The following GRIA1 variants were observed in gnomAD, a reference collection of about 807,000 sequenced individuals.
GRIA1 encodes glutamate receptor 1.
Under a neutral mutation model 99.2 loss-of-function variants are expected in GRIA1, and 31 were observed. The observed-to-expected ratio is 0.31, with a 90% confidence interval of 0.23 to 0.42. The LOEUF is 0.42. GRIA1 is among the 10% of genes least tolerant of loss of function. The pLI is 1.00. For synonymous variants in GRIA1, 438 were observed against 432.4 expected, an observed-to-expected ratio of 1.01 and a Z score of -0.16; for missense variants, 782 against 1,157.5, an observed-to-expected ratio of 0.68 and a Z score of 4.71.
At chr5:153,731,675 G>A (rs1473267460) in intron 11 of GRIA1, among the ~76,000 whole-genome samples, 2 of 151,986 alleles carry the variant, frequency 1.3e-5, no homozygotes, top group Non-Finnish European at 2.9e-5. Context: ...TGTGTATGTT[G>A]TGAAATGATT....
At chr5:153,529,793 T>G (rs489572) in intron 2 of GRIA1, among the ~76,000 whole-genome samples, 1 of 151,832 alleles carries the variant, frequency 6.6e-6, no homozygotes, top group Non-Finnish European at 1.5e-5. Flanking sequence ...CCCCAACCTT[T>G]TGCTTTTCTT....
At chr5:153,773,724 C>T (rs1452680014) in intron 13 of GRIA1, among the ~76,000 whole-genome samples, 1 of 152,106 alleles carries the variant, frequency 6.6e-6, no homozygotes, top group Non-Finnish European at 1.5e-5. Context: ...CAACATGTTT[C>T]AAATACAGAT....
intron 13 of GRIA1, among the ~76,000 whole-genome samples, chr5:153,777,400 G>A (rs890038640): frequency 1.3e-5 from 2 of 152,098 alleles, no homozygotes; most frequent in Non-Finnish European, 1.5e-5. Flanking sequence ...TATAAGGCCC[G>A]TTACCTTGCC....
At chr5:153,529,294 A>C (rs1030634128) in intron 2 of GRIA1, among the ~76,000 whole-genome samples, 5 of 152,172 alleles carry the variant, frequency 3.3e-5, no homozygotes, top group Non-Finnish European at 1.5e-5. Flanking sequence ...TTAAGCTAAC[A>C]AATGATTATC....
Position 153,811,329 on chromosome 5 carries a change from C to A in GRIA1, c.*104C>A. ...CAACAAAATGAAACGCAACCACCAC[C>A]AACCACTGCGACCACAAGAAGGATG... On this transcript the variant is annotated 3_prime_UTR_variant, in exon 16 of 16. Transcript: ENST00000285900. The A allele has an allele frequency of 4.1e-6, 3 of 738,248 alleles. No homozygotes were observed. Among genetic ancestry groups the A allele is most frequent in the Non-Finnish European group, 4.7e-6 (2 of 421,190 alleles). The allele number at this position is 738,248 out of a possible 1,614,324, so 45.7% of individuals were successfully genotyped here.
In GRIA1 at chr5:153,518,111, A is replaced by T. The variant is rs1054022266; in HGVS notation, c.220+24046A>T. ...GTTCACTATTCAGGTCCCAATTCCC[A>T]CGTTACTTTCTCAGAGAGTGTTCCC... On this transcript the variant is annotated intron_variant, in intron 2 of 15. Transcript: ENST00000285900. Among the ~76,000 whole-genome samples the T allele has an allele frequency of 6.6e-5, 10 of 152,262 alleles. 1 individual carries two copies. In the South Asian group the frequency reaches 2.1e-3, roughly 32 times the overall value.
chr5:153,778,213 G>A (rs1040077002), intron 13 of GRIA1, among the ~76,000 whole-genome samples: 7 of 151,726 alleles, frequency 4.6e-5, no homozygotes, highest in Non-Finnish European at 8.8e-5. Flanking sequence ...GTGTGTGTGT[G>A]TGTGTGTGTG....
intron 2 of GRIA1, among the ~76,000 whole-genome samples, chr5:153,613,736 G>A (rs1212502942): frequency 5.3e-5 from 8 of 151,166 alleles, no homozygotes; most frequent in Non-Finnish European, 1.2e-4. Context: ...AGCCATCATA[G>A]AATCTGATAT....
chr5:153,700,408 T>C (rs1758432721), intron 10 of GRIA1, among the ~76,000 whole-genome samples: 1 of 151,752 alleles, frequency 6.6e-6, no homozygotes, highest in South Asian at 2.1e-4. Flanking sequence ...AAAAAACATA[T>C]GAGAGAAAAG....
At chr5:153,618,042 A>T (rs897315635) in intron 2 of GRIA1, among the ~76,000 whole-genome samples, 4 of 152,180 alleles carry the variant, frequency 2.6e-5, no homozygotes, top group Admixed American at 2.6e-4. Flanking sequence ...AATAGCATAA[A>T]ATTATTTGGT....
chr5:153,723,988 G>A (rs1364536782), intron 11 of GRIA1, among the ~76,000 whole-genome samples: 2 of 152,212 alleles, frequency 1.3e-5, no homozygotes, highest in Non-Finnish European at 2.9e-5. Flanking sequence ...TAACTGGGAG[G>A]CGCCCCCCAG....
intron 13 of GRIA1, among the ~76,000 whole-genome samples, chr5:153,792,914 A>G (rs907327241): frequency 3.9e-5 from 6 of 152,180 alleles, no homozygotes; most frequent in East Asian, 1.9e-4. Flanking sequence ...TAAAATCCCA[A>G]TGTGGGGTAA....
intron 2 of GRIA1, among the ~76,000 whole-genome samples, chr5:153,515,433 C>T (rs1297549424): frequency 6.6e-6 from 1 of 152,088 alleles, no homozygotes; most frequent in African/African-American, 2.4e-5. Flanking sequence ...GCATCAAACT[C>T]GTAGAAGTAA....
chr5:153,698,796 A>G (rs1758304202), intron 9 of GRIA1, 71 bp from the exon 10 acceptor site: 4 of 969,004 alleles, frequency 4.1e-6, no homozygotes, highest in South Asian at 2.6e-5. Flanking sequence ...ATATTATGCT[A>G]TGCCAAAGTC....
intron 2 of GRIA1, among the ~76,000 whole-genome samples, chr5:153,497,166 TA>T (rs1365608821): frequency 1.3e-5 from 2 of 152,190 alleles, no homozygotes; most frequent in Admixed American, 6.5e-5. Flanking sequence ...CTGCCATTGT[TA>T]AAGAGTAAAG....
intron 2 of GRIA1, among the ~76,000 whole-genome samples, chr5:153,532,069 G>C (rs1202508612): frequency 6.6e-6 from 1 of 152,022 alleles, no homozygotes; most frequent in African/African-American, 2.4e-5. Context: ...TTTATTGCAG[G>C]GTGTAGGGGG....
chr5:153,511,076 T>A (rs1297051513), intron 2 of GRIA1, among the ~76,000 whole-genome samples: 3 of 152,216 alleles, frequency 2.0e-5, no homozygotes, highest in Non-Finnish European at 2.9e-5. Context: ...GGATACAGTA[T>A]GTATTTTCCA....
intron 2 of GRIA1, among the ~76,000 whole-genome samples, chr5:153,560,959 G>C (rs979198482): frequency 1.3e-5 from 2 of 152,176 alleles, no homozygotes; most frequent in African/African-American, 4.8e-5. Flanking sequence ...AGTGAGAAGG[G>C]TAGATCTGAG....
At position 153,698,499 on chromosome 5, in the gene GRIA1, C is replaced by T. The variant is rs527275179; in HGVS notation, c.1245+345C>T. 1.5e-4 allele frequency among the ~76,000 whole-genome samples: 23 copies of T among 152,270 alleles called. No homozygotes were observed. In the South Asian group the frequency reaches 4.2e-3, roughly 27 times the overall value. On this transcript the variant is annotated intron_variant, in intron 9 of 15. Coordinates refer to ENST00000285900, the MANE Select transcript of GRIA1 (RefSeq NM_000827.4). ...AAAGAAAGTCCAATACATAAAGTAG[C>T]TGTAAGTGAAGATGCTGTAATTTTC...
Sources: gnomAD v4.1 joint callset for allele counts (sites outside exome capture counted in the v4.1 genomes callset) on GRCh38, gnomAD v4.1.1 for gene constraint, MANE v1.5 for transcripts, NCBI Gene and HGNC (gene_info 2026-07-23, HGNC 2026-07-21) for gene names.